The following CNTLN variants were observed in gnomAD, a reference collection of about 807,000 sequenced individuals.
The protein encoded by CNTLN is centlein, centrosomal protein.
Under a neutral mutation model 180.0 loss-of-function variants are expected in CNTLN, and 212 were observed. The observed-to-expected ratio is 1.18, with a 90% confidence interval of 1.05 to 1.32. The LOEUF (loss-of-function observed/expected upper bound fraction) is 1.32. Among genes scored for constraint, CNTLN ranks in the 40% most tolerant of loss-of-function variants. CNTLN has a pLI of 0.00. For synonymous variants in CNTLN, 722 were observed against 563.1 expected (o/e 1.28, Z -3.99); for missense variants, 2,095 against 1,610.9 (o/e 1.30, Z -5.14).
At chr9:17,318,130 C>T (rs1228155330) in intron 8 of CNTLN, among the ~76,000 whole-genome samples, 1 of 151,618 alleles carries the variant, frequency 6.6e-6, no homozygotes, top group Non-Finnish European at 1.5e-5. Context: ...CAGGTTCACG[C>T]TATTCTCCTG....
At chr9:17,390,573 T>A (rs1826040354) in intron 14 of CNTLN, among the ~76,000 whole-genome samples, 1 of 152,142 alleles carries the variant, frequency 6.6e-6, no homozygotes, top group Non-Finnish European at 1.5e-5. Flanking sequence ...GGTATATTAT[T>A]TTAAATGTTC....
chr9:17,477,396 A>G (rs12002590), intron 23 of CNTLN, among the ~76,000 whole-genome samples: 7,753 of 152,272 alleles, frequency 0.051, 399 homozygotes, highest in African/African-American at 0.14. Context: ...TTCACAAGGC[A>G]TAGCTTCTGT....
chr9:17,293,927 C>A (rs942250571), intron 6 of CNTLN, among the ~76,000 whole-genome samples: 2 of 152,112 alleles, frequency 1.3e-5, no homozygotes, highest in African/African-American at 4.8e-5. Context: ...CGTGGTTTCC[C>A]AGGCAGGGTA....
Position 17,342,407 on chromosome 9 carries a change from T to G in CNTLN, c.1849T>G (p.Tyr617Asp). The G allele has an allele frequency of 6.2e-7, 1 of 1,610,720 alleles. No individual in the cohort carries two copies. Among genetic ancestry groups the G allele is most frequent in the East Asian group, 2.2e-5 (1 of 44,734 alleles). Reference protein sequence around the residue: ...DSDAVWNELAYFKRENQELMI... With the variant: ...DSDAVWNELADFKRENQELMI... ...TGACGCTGTGTGGAATGAACTGGCA[T>G]ATTTCAAAAGGGAAAACCAGGAGCT... The change falls in exon 12 of 26, where the codon TAT becomes GAT. Residue 617 changes from tyrosine (Y) to aspartate (D), a missense_variant. Tyr to Asp is a radical substitution (Grantham distance 160). Transcript: ENST00000380647.
chr9:17,517,752 A>G, the CNTLN span, among the ~76,000 whole-genome samples: 1 of 152,138 alleles, frequency 6.6e-6, no homozygotes. Flanking sequence ...TCCAGCCTCT[A>G]GAAGTGTGAA....
intron 5 of CNTLN, among the ~76,000 whole-genome samples, chr9:17,263,005 T>G (rs1207907582): frequency 1.3e-5 from 2 of 151,440 alleles, no homozygotes; most frequent in African/African-American, 4.9e-5. Context: ...TAATTGAGTT[T>G]TAAAATCTAA....
chr9:17,334,420 TACACACACACACAC>T (rs56376464), intron 10 of CNTLN, among the ~76,000 whole-genome samples: 2 of 149,832 alleles, frequency 1.3e-5, no homozygotes, highest in South Asian at 4.2e-4. Context: ...GCCAATAGAA[TACACACACACACAC>T]ACACACACAC....
At chr9:17,359,725 C>CAAAAAACAAAAAAAAAAAACAA (rs1823161455) in intron 12 of CNTLN, among the ~76,000 whole-genome samples, 22 of 21,332 alleles carry the variant, frequency 1.0e-3, no homozygotes, top group Non-Finnish European at 1.9e-3. Context: ...ACTAAAAATA[C>CAAAAAACAAAAAAAAAAAACAA]AAAAAAAAAA....
Position 17,311,765 on chromosome 9 carries a change from C to T in CNTLN, c.1341+2513C>T, listed in dbSNP as rs112382049. Among the ~76,000 whole-genome samples, 16 of 151,874 alleles carry T rather than the reference C, an allele frequency of 1.1e-4. 1 individual carries two copies. The highest frequency in any genetic ancestry group is 2.7e-4 in the African/African-American group (11 of 41,428). On this transcript the variant is annotated intron_variant, in intron 8 of 25. Transcript: ENST00000380647. ...CGGAGGTTGCAGTGAGCCAAGATTG[C>T]GCCACTGCTCTCCAGCCTGGCAACA...
chr9:17,387,852 C>G (rs577853560), intron 13 of CNTLN, among the ~76,000 whole-genome samples: 2 of 149,248 alleles, frequency 1.3e-5, no homozygotes, highest in Non-Finnish European at 3.0e-5. Flanking sequence ...GCTTTTAAGG[C>G]AAAGGGGGAA....
chr9:17,242,154 C>T (rs746346379), intron 5 of CNTLN, among the ~76,000 whole-genome samples: 13 of 152,180 alleles, frequency 8.5e-5, no homozygotes, highest in Non-Finnish European at 1.6e-4. Flanking sequence ...TTTCCACATT[C>T]AGTATCATAC....
intron 13 of CNTLN, among the ~76,000 whole-genome samples, chr9:17,386,022 A>G (rs10963077): frequency 0.25 from 38,401 of 152,060 alleles, 5,063 homozygotes; most frequent in South Asian, 0.38. Flanking sequence ...TGCCCATACA[A>G]TAAGTTGATA....
At chr9:17,330,583 G>GT in intron 8 of CNTLN, 49 bp from the exon 9 acceptor site, 1 of 978,456 alleles carries the variant, frequency 1.0e-6, no homozygotes, top group African/African-American at 1.7e-5. Flanking sequence ...TATAAATAAT[G>GT]TAAGATACAA....
At chr9:17,147,507 G>A (rs1367417803) in intron 2 of CNTLN, among the ~76,000 whole-genome samples, 2 of 152,092 alleles carry the variant, frequency 1.3e-5, no homozygotes, top group Non-Finnish European at 2.9e-5. Flanking sequence ...ATCCTCTTCT[G>A]TAGACTTCTA....
intron 18 of CNTLN, among the ~76,000 whole-genome samples, chr9:17,445,299 C>G (rs370773289): frequency 1.3e-5 from 2 of 152,040 alleles, no homozygotes; most frequent in African/African-American, 4.8e-5. Context: ...CATCCAAGCA[C>G]TTTATTTGCA....
intron 2 of CNTLN, among the ~76,000 whole-genome samples, chr9:17,200,996 G>A (rs905033491): frequency 4.6e-5 from 7 of 152,150 alleles, no homozygotes; most frequent in South Asian, 2.1e-4. Context: ...GTTATTTTGC[G>A]ATACGTTCCA....
intron 20 of CNTLN, among the ~76,000 whole-genome samples, chr9:17,463,390 A>C (rs1235127729): frequency 6.6e-6 from 1 of 151,596 alleles, no homozygotes; most frequent in Non-Finnish European, 1.5e-5. Context: ...AAAAAAAGGA[A>C]AGTTTTGTTT....
At chr9:17,469,269 A>G (rs1276032246) in intron 23 of CNTLN, among the ~76,000 whole-genome samples, 14 of 151,792 alleles carry the variant, frequency 9.2e-5, no homozygotes. Flanking sequence ...ACATTTAGTA[A>G]GACCATTTAT....
intron 3 of CNTLN, among the ~76,000 whole-genome samples, chr9:17,229,882 C>G (rs1465461624): frequency 6.6e-6 from 1 of 152,134 alleles, no homozygotes; most frequent in African/African-American, 2.4e-5. Context: ...AGAGGCAGAA[C>G]TCTGGTATCC....
Sources: allele counts gnomAD v4.1 joint callset (sites outside exome capture counted in the v4.1 genomes callset), GRCh38; gene constraint gnomAD v4.1.1; transcripts MANE v1.5; gene names NCBI Gene and HGNC (gene_info 2026-07-23, HGNC 2026-07-21).